TMED5: variants seen among roughly 807,000 people sequenced by gnomAD.
TMED5 encodes the protein transmembrane emp24 domain-containing protein 5.
Under a neutral mutation model 23.0 loss-of-function variants are expected in TMED5, and 27 were observed. The observed-to-expected ratio is 1.17, with a 90% CI of 0.86 to 1.62. The LOEUF is 1.62. Among genes scored for constraint, TMED5 ranks in the 40% most tolerant of loss-of-function variants. The probability of loss-of-function intolerance (pLI) is 0.00; values close to 1 mark genes in which losing one functional copy is unlikely to be tolerated. For synonymous variants in TMED5, 97 were observed against 100.8 expected (o/e 0.96, Z 0.23); for missense variants, 248 against 273.7 (o/e 0.91, Z 0.66).
chr1:93,169,873 C>T (rs1283149106), intron 1 of TMED5, among the ~76,000 whole-genome samples: 1 of 100,636 alleles, frequency 9.9e-6, no homozygotes, highest in Non-Finnish European at 2.1e-5. Context: ...CAAAGTGAGA[C>T]CCTGTCTGTA....
chr1:93,158,108 G>A (rs1648140476), intron 2 of TMED5, among the ~76,000 whole-genome samples: 1 of 139,672 alleles, frequency 7.2e-6, no homozygotes, highest in Non-Finnish European at 1.5e-5. Flanking sequence ...GGGCAACAGA[G>A]TGAGACTCCG....
At chr1:93,179,367 CAAAA>C (rs11332484) in intron 1 of TMED5, among the ~76,000 whole-genome samples, 1 of 96,194 alleles carries the variant, frequency 1.0e-5, no homozygotes. Context: ...GACTCCGTCT[CAAAA>C]AAAAAAAAAA....
intron 3 of TMED5, chr1:93,155,917 C>T (rs960058947): frequency 1.1e-5 from 6 of 527,694 alleles, no homozygotes; most frequent in Non-Finnish European, 2.0e-5. Flanking sequence ...TGTTTTAATA[C>T]CACAAAATAG....
chr1:93,159,880 G>T (rs1400885556), intron 2 of TMED5, among the ~76,000 whole-genome samples: 1 of 152,152 alleles, frequency 6.6e-6, no homozygotes, highest in Non-Finnish European at 1.5e-5. Context: ...AATACCAGGG[G>T]AATACTAATT....
rs1461700047 is a variant in TMED5, at chr1:93,153,558, T to TA, written c.*1111dup. ...ATTAATCATCTCCTTTGATTTATGT[T>TA]ATGAGTAGGATGTCATGATGAGCCA... On this transcript the variant is annotated 3_prime_UTR_variant, in exon 4 of 4. Coordinates refer to ENST00000370282, the MANE Select transcript of TMED5 (RefSeq NM_016040.5). The TA allele has an allele frequency of 3.3e-5, 5 of 152,176 alleles. No homozygotes were observed. The highest frequency in any genetic ancestry group is 1.2e-4 in the African/African-American group (5 of 41,458). The allele number at this position is 152,176 out of a possible 1,614,324, so 9.4% of individuals were successfully genotyped here.
At chr1:93,168,906 G>A (rs918915608) in intron 1 of TMED5, among the ~76,000 whole-genome samples, 3 of 152,158 alleles carry the variant, frequency 2.0e-5, no homozygotes, top group African/African-American at 7.2e-5. Context: ...ACATACCAAT[G>A]CTTATGTGTA....
intron 1 of TMED5, among the ~76,000 whole-genome samples, chr1:93,166,852 G>C (rs1366329439): frequency 6.6e-6 from 1 of 152,160 alleles, no homozygotes; most frequent in East Asian, 1.9e-4. Context: ...CAATGTCCTG[G>C]AGAGTTATCC....
chr1:93,178,361 C>A (rs1222236747), intron 1 of TMED5, among the ~76,000 whole-genome samples: 1 of 152,154 alleles, frequency 6.6e-6, no homozygotes, highest in Non-Finnish European at 1.5e-5. Flanking sequence ...TTCTGAAATG[C>A]CCCTTGTTCC....
chr1:93,169,760 A>G (rs1035942435), intron 1 of TMED5, among the ~76,000 whole-genome samples: 13 of 152,266 alleles, frequency 8.5e-5, no homozygotes, highest in African/African-American at 2.4e-4. Flanking sequence ...TTAAAAAGAT[A>G]ATAATGGCCA....
At chr1:93,155,532 GTT>G (rs547977053) in intron 3 of TMED5, among the ~76,000 whole-genome samples, 12,285 of 129,970 alleles carry the variant, frequency 0.095, 548 homozygotes, top group East Asian at 0.26. Context: ...AATGACTAAG[GTT>G]TTTTTTTTTT....
intron 1 of TMED5, among the ~76,000 whole-genome samples, chr1:93,176,477 T>C (rs1264367915): frequency 6.6e-6 from 1 of 151,802 alleles, no homozygotes; most frequent in Non-Finnish European, 1.5e-5. Flanking sequence ...ATTTGATTAA[T>C]TAATACTTGA....
chr1:93,155,989 A>G, intron 3 of TMED5: 1 of 981,052 alleles, frequency 1.0e-6, no homozygotes, highest in African/African-American at 1.7e-5. Flanking sequence ...AGCATAATCT[A>G]TTTATAATTT....
In TMED5 at chr1:93,160,235, A is replaced by G; in HGVS notation, c.190-9T>C. 6.5e-7 allele frequency: 1 copy of G among 1,548,114 alleles called. No individual in the cohort carries two copies. Among genetic ancestry groups the G allele is most frequent in the East Asian group, 2.2e-5 (1 of 44,508 alleles). Reference sequence around the variant, plus strand: ...CCTGCTCCATCTAAAACCTGTAGAAAAGCATACATGAGAAAAACATATATT... The same window carrying G: ...CCTGCTCCATCTAAAACCTGTAGAAGAGCATACATGAGAAAAACATATATT... On this transcript the variant is annotated splice_polypyrimidine_tract_variant and intron_variant, in intron 1 of 3. Coordinates refer to ENST00000370282, the MANE Select transcript of TMED5 (RefSeq NM_016040.5).
intron 2 of TMED5, among the ~76,000 whole-genome samples, chr1:93,159,717 C>T (rs1370136645): frequency 1.3e-5 from 2 of 152,048 alleles, no homozygotes; most frequent in Non-Finnish European, 2.9e-5. Flanking sequence ...ATATACTGTC[C>T]TGTTTTAAGA....
At chr1:93,158,960 T>TAAGA in intron 2 of TMED5, 1 of 519,810 alleles carries the variant, frequency 1.9e-6, no homozygotes. Context: ...TCTATCTTAT[T>TAAGA]TAGTAATAGC....
rs777285193 is a variant in TMED5, at chr1:93,160,146, T to A, written c.270A>T (p.Lys90Asn). 3 of 1,611,374 alleles carry A rather than the reference T, an allele frequency of 1.9e-6. No homozygotes were observed. The African/African-American group carries it at 4.0e-5, about 22-fold the overall frequency. Residue 90 changes from lysine to asparagine, a missense_variant, in exon 2 of 4, where the codon AAA (lysine) becomes AAT (asparagine). By Grantham distance (94) the Lys-to-Asn change is moderately conservative (BLOSUM62 0). Transcript: ENST00000370282. ...EGKTLVFEQR[K>N]SDGVHTVETE... ...TTACTTACGTGTGAACTCCATCTGA[T>A]TTTCTTTGTTCAAAAACTAAGGTTT...
intron 1 of TMED5, 51 bp downstream of exon 1, chr1:93,180,003 C>G (rs1465095112): frequency 6.4e-7 from 1 of 1,558,670 alleles, no homozygotes; most frequent in African/African-American, 1.4e-5. Flanking sequence ...GAGGCGACAA[C>G]GCAGTGCAGC....
intron 2 of TMED5, among the ~76,000 whole-genome samples, chr1:93,159,447 T>C (rs1648193002): frequency 6.6e-6 from 1 of 151,984 alleles, no homozygotes; most frequent in African/African-American, 2.4e-5. Flanking sequence ...TTTAAACATA[T>C]AACAAAACTG....
At chr1:93,164,396 G>T (rs1648409283) in intron 1 of TMED5, among the ~76,000 whole-genome samples, 1 of 152,064 alleles carries the variant, frequency 6.6e-6, no homozygotes, top group Non-Finnish European at 1.5e-5. Context: ...TAAGGGGCAG[G>T]AACTAAGAAC....
Sources: gnomAD v4.1 joint callset for allele counts (sites outside exome capture counted in the v4.1 genomes callset) on GRCh38, gnomAD v4.1.1 for gene constraint, MANE v1.5 for transcripts, NCBI Gene and HGNC (gene_info 2026-07-23, HGNC 2026-07-21) for gene names.